P2RY14: variants seen among roughly 807,000 people sequenced by gnomAD.
P2RY14 encodes P2Y purinoceptor 14.
P2RY14 carries 2 observed loss-of-function variants against 0.9 expected under a neutral mutation model. The ratio of observed to expected loss-of-function variants is 2.16; its 90% CI spans 0.88 to 6.79. The LOEUF is 6.79. Ranked by LOEUF, P2RY14 falls within the 30% of genes most tolerant of loss-of-function variation. P2RY14 has a pLI of 0.05. For synonymous variants in P2RY14, 158 were observed against 147.2 expected, an observed-to-expected ratio of 1.07 and a Z score of -0.53; for missense variants, 378 against 400.1, an observed-to-expected ratio of 0.94 and a Z score of 0.47.
At chr3:151,231,489 A>G (rs1731660153) in intron 1 of P2RY14, among the ~76,000 whole-genome samples, 1 of 152,244 alleles carries the variant, frequency 6.6e-6, no homozygotes, top group Non-Finnish European at 1.5e-5. Context: ...GATGTACACA[A>G]CATACTTTTG....
intron 1 of P2RY14, among the ~76,000 whole-genome samples, chr3:151,275,335 G>A (rs1212010443): frequency 6.6e-6 from 1 of 151,418 alleles, no homozygotes; most frequent in East Asian, 1.9e-4. Context: ...CATATAATTG[G>A]GTAGAAGCCA....
At chr3:151,222,264 A>ACTGTGGACTTCTGAGT (rs1559896992) in intron 1 of P2RY14, among the ~76,000 whole-genome samples, 1 of 151,742 alleles carries the variant, frequency 6.6e-6, no homozygotes, top group Non-Finnish European at 1.5e-5. Flanking sequence ...GAGACTCTGG[A>ACTGTGGACTTCTGAGT]CTGTGGACTT....
intron 1 of P2RY14, among the ~76,000 whole-genome samples, chr3:151,229,526 T>C (rs1731216080): frequency 1.4e-5 from 2 of 138,580 alleles, no homozygotes; most frequent in Non-Finnish European, 3.0e-5. Flanking sequence ...TCGCCCAGGC[T>C]GGAGTGCAGT....
chr3:151,227,133 C>T (rs1370807749), intron 1 of P2RY14, among the ~76,000 whole-genome samples: 1 of 152,230 alleles, frequency 6.6e-6, no homozygotes, highest in East Asian at 1.9e-4. Flanking sequence ...GAATCCAGGT[C>T]AGTGACCAAC....
intron 1 of P2RY14, among the ~76,000 whole-genome samples, chr3:151,248,705 T>G (rs9880339): frequency 0.47 from 71,344 of 151,962 alleles, 17,430 homozygotes; most frequent in Middle Eastern, 0.63. Flanking sequence ...TAGACTTGGT[T>G]TATTACTTGA....
At chr3:151,246,844 T>C (rs1735640781) in intron 1 of P2RY14, among the ~76,000 whole-genome samples, 1 of 152,048 alleles carries the variant, frequency 6.6e-6, no homozygotes. Flanking sequence ...GCCTACAAAA[T>C]GGGAGAAACT....
intron 1 of P2RY14, among the ~76,000 whole-genome samples, chr3:151,247,354 G>T (rs1416509043): frequency 6.6e-6 from 1 of 152,024 alleles, no homozygotes; most frequent in South Asian, 2.1e-4. Context: ...CAAAGACTTG[G>T]AACCAAGCCA....
At chr3:151,260,198 GAA>G (rs1461970138) in intron 1 of P2RY14, among the ~76,000 whole-genome samples, 1 of 152,122 alleles carries the variant, frequency 6.6e-6, no homozygotes, top group Non-Finnish European at 1.5e-5. Flanking sequence ...TAAAAATAAA[GAA>G]AAGAGCCGCA....
At chr3:151,216,218 A>C (rs972046525) in intron 2 of P2RY14, among the ~76,000 whole-genome samples, 7 of 152,178 alleles carry the variant, frequency 4.6e-5, no homozygotes, top group African/African-American at 1.7e-4. Context: ...ATGAATATGC[A>C]CTCTGGGAAT....
At chr3:151,237,214 A>G (rs563057075) in intron 1 of P2RY14, among the ~76,000 whole-genome samples, 18 of 150,286 alleles carry the variant, frequency 1.2e-4, no homozygotes, top group African/African-American at 4.4e-4. Flanking sequence ...AATTTTTTGT[A>G]TTTTTAGTAG....
At chr3:151,261,031 G>C (rs1258123487) in intron 1 of P2RY14, among the ~76,000 whole-genome samples, 1 of 152,102 alleles carries the variant, frequency 6.6e-6, no homozygotes, top group African/African-American at 2.4e-5. Flanking sequence ...GAGGATCCCT[G>C]TGTGTTTAAC....
chr3:151,274,170 A>G lies in P2RY14; in HGVS notation c.-133+4117T>C, dbSNP rs372001398. ...TGCCACAAAACCAAAAGATTAAGCA[A>G]TTAATGTGCACTTTGTATTTCAAAT... On this transcript the variant is annotated intron_variant, in intron 1 of 2. Transcript: ENST00000309170. Among the ~76,000 whole-genome samples, 11 of 152,374 alleles carry G rather than the reference A, an allele frequency of 7.2e-5. 1 individual carries two copies. The South Asian group carries it at 2.3e-3, about 32-fold the overall frequency.
intron 1 of P2RY14, among the ~76,000 whole-genome samples, chr3:151,269,031 C>T (rs1365618434): frequency 2.0e-5 from 3 of 152,050 alleles, no homozygotes; most frequent in African/African-American, 7.3e-5. Context: ...GCTCTGAGAC[C>T]GGAGGAGACA....
chr3:151,250,099 T>C (rs2149444617), intron 1 of P2RY14, among the ~76,000 whole-genome samples: 1 of 152,288 alleles, frequency 6.6e-6, no homozygotes, highest in African/African-American at 2.4e-5. Flanking sequence ...CCAAACTTGT[T>C]GGAAATGGTC....
At chr3:151,242,217 A>G (rs1734290805) in intron 1 of P2RY14, among the ~76,000 whole-genome samples, 1 of 152,162 alleles carries the variant, frequency 6.6e-6, no homozygotes, top group Non-Finnish European at 1.5e-5. Context: ...GCCATTGCCC[A>G]GGCTTGATTA....
rs991267705 is a variant in P2RY14, at chr3:151,225,442, A to G, written c.-132-5800T>C. On this transcript the variant is annotated intron_variant, in intron 1 of 2. Coordinates refer to ENST00000309170, the MANE Select transcript of P2RY14 (RefSeq NM_014879.4). ...CATCATGGTGGAAGGGCAAGTGAGCATGTGAGACCAAGAGAAAAAGAGGGC... is the reference window on the plus strand; with the variant it reads ...CATCATGGTGGAAGGGCAAGTGAGCGTGTGAGACCAAGAGAAAAAGAGGGC... 1.5e-4 allele frequency among the ~76,000 whole-genome samples: 23 copies of G among 152,218 alleles called. 1 individual carries two copies. The highest frequency in any genetic ancestry group is 2.6e-4 in the Admixed American group (4 of 15,282).
rs73021154 is a variant in P2RY14, at chr3:151,217,376, C to T, written c.-25+2159G>A. Among the ~76,000 whole-genome samples, 1,312 of 152,288 alleles carry T rather than the reference C, an allele frequency of 8.6e-3. 27 individuals are homozygous for T. The highest frequency in any genetic ancestry group is 0.03 in the African/African-American group (1,242 of 41,562). On this transcript the variant is annotated intron_variant, in intron 2 of 2. Coordinates refer to ENST00000309170, the MANE Select transcript of P2RY14 (RefSeq NM_014879.4). ...TCCAGAACTCTGCTCTCAGATTCCT[C>T]AGGTTGCTGGGAATCTGCATGTGTA...
intron 1 of P2RY14, among the ~76,000 whole-genome samples, chr3:151,230,491 T>C (rs908631762): frequency 6.6e-6 from 1 of 152,170 alleles, no homozygotes; most frequent in Non-Finnish European, 1.5e-5. Flanking sequence ...TTTCTCGTTA[T>C]ACTATACACT....
In P2RY14 at chr3:151,213,260, A is replaced by G. The variant is rs369042488; in HGVS notation, c.*40T>C. The G allele has an allele frequency of 2.4e-5, 35 of 1,463,286 alleles. No homozygotes were observed. The African/African-American group carries it at 4.4e-4, about 18-fold the overall frequency. The allele number at this position is 1,463,286 out of a possible 1,614,324, so 90.6% of individuals were successfully genotyped here. A position where few individuals can be genotyped will look rare whatever the true frequency, so the allele number is the denominator to read the frequency against. On this transcript the variant is annotated 3_prime_UTR_variant, in exon 3 of 3. Coordinates refer to ENST00000309170, the MANE Select transcript of P2RY14 (RefSeq NM_014879.4). ...TTTCTGTTATGTAATTGAAGATGACAACATGCACACGTGGTCTTTCTTTGG... is the reference window on the plus strand; with the variant it reads ...TTTCTGTTATGTAATTGAAGATGACGACATGCACACGTGGTCTTTCTTTGG...
Sources: allele counts gnomAD v4.1 joint callset (sites outside exome capture counted in the v4.1 genomes callset), GRCh38; gene constraint gnomAD v4.1.1; transcripts MANE v1.5; gene names NCBI Gene and HGNC (gene_info 2026-07-23, HGNC 2026-07-21).